EML1: variants seen among roughly 807,000 people sequenced by gnomAD.
EML1 encodes echinoderm microtubule-associated protein-like 1.
In EML1, 27 loss-of-function variants were observed where a neutral mutation model predicts 110.4. The ratio of observed to expected loss-of-function variants is 0.24; its 90% confidence interval spans 0.18 to 0.34. The LOEUF is 0.34. Ranked by LOEUF, EML1 falls within the 10% of genes least tolerant of loss-of-function variation. The pLI is 1.00. For synonymous variants in EML1, 344 were observed against 385.8 expected, an observed-to-expected ratio of 0.89 and a Z score of 1.27; for missense variants, 741 against 1,030.9, an observed-to-expected ratio of 0.72 and a Z score of 3.85.
At chr14:99,750,147 G>A (rs1327504370) in intron 1 of EML1, among the ~76,000 whole-genome samples, 1 of 152,230 alleles carries the variant, frequency 6.6e-6, no homozygotes, top group Non-Finnish European at 1.5e-5. Context: ...AGCCTGTCAC[G>A]GGTGGAAAAC....
At chr14:99,790,716 G>A (rs774733881), upstream of EML1, among the ~76,000 whole-genome samples, 4 of 152,116 alleles carry the variant, frequency 2.6e-5, no homozygotes, top group Non-Finnish European at 5.9e-5. Context: ...TTTGAAAGCC[G>A]CTTCTCCATA....
chr14:99,749,205 A>ACTC (rs1401980520), intron 1 of EML1, among the ~76,000 whole-genome samples: 2 of 151,672 alleles, frequency 1.3e-5, no homozygotes, highest in Non-Finnish European at 2.9e-5. Flanking sequence ...TCATACGGTG[A>ACTC]CTCTATGTTG....
chr14:99,829,634 C>T (rs2058416986), intron 1 of EML1, among the ~76,000 whole-genome samples: 1 of 152,178 alleles, frequency 6.6e-6, no homozygotes, highest in African/African-American at 2.4e-5. Flanking sequence ...CCCCATCCCT[C>T]CCGCCTCCCA....
chr14:99,907,873 C>A, intron 10 of EML1, 140 bp downstream of exon 10: 1 of 705,904 alleles, frequency 1.4e-6, no homozygotes. Flanking sequence ...ATCGTTTGGC[C>A]CCGATCCCTG....
upstream of EML1, among the ~76,000 whole-genome samples, chr14:99,770,490 T>C (rs1356795790): frequency 6.6e-6 from 1 of 152,108 alleles, no homozygotes; most frequent in Non-Finnish European, 1.5e-5. Flanking sequence ...ACTCTTATGA[T>C]CTAATCACCT....
chr14:99,898,332 T>TA, intron 8 of EML1, 30 bp downstream of exon 8: 1 of 1,593,758 alleles, frequency 6.3e-7, no homozygotes, highest in Non-Finnish European at 8.6e-7. Flanking sequence ...CATTGTTTCA[T>TA]AATGAACTGG....
intron 1 of EML1, among the ~76,000 whole-genome samples, chr14:99,761,448 G>A (rs2057312770): frequency 6.6e-6 from 1 of 152,204 alleles, no homozygotes; most frequent in Non-Finnish European, 1.5e-5. Context: ...TGCTCACTGG[G>A]TGTCTTACTG....
intron 1 of EML1, among the ~76,000 whole-genome samples, chr14:99,830,653 C>T (rs1423224519): frequency 1.2e-4 from 18 of 152,088 alleles, no homozygotes; most frequent in Non-Finnish European, 2.9e-5. Context: ...CGGGTTCAAG[C>T]AATTCTCCTG....
chr14:99,860,429 T>C (rs2058983256), intron 2 of EML1, among the ~76,000 whole-genome samples: 1 of 152,192 alleles, frequency 6.6e-6, no homozygotes, highest in Non-Finnish European at 1.5e-5. Context: ...AGAGCACTTA[T>C]CTGAAAATGA....
chr14:99,763,358 C>A (rs560313366), intron 1 of EML1, among the ~76,000 whole-genome samples: 17 of 152,246 alleles, frequency 1.1e-4, no homozygotes, highest in Non-Finnish European at 2.1e-4. Context: ...TCCAGATACT[C>A]CTGGAGCTGT....
intron 1 of EML1, among the ~76,000 whole-genome samples, chr14:99,813,575 CGT>C (rs2058117392): frequency 6.6e-6 from 1 of 151,990 alleles, no homozygotes; most frequent in South Asian, 2.1e-4. Context: ...GTTGTGGTGG[CGT>C]GTGCCTGTAG....
chr14:99,811,270 C>T (rs1214321444), intron 1 of EML1, among the ~76,000 whole-genome samples: 2 of 147,632 alleles, frequency 1.4e-5, no homozygotes, highest in Admixed American at 6.7e-5. Flanking sequence ...AGCCTTGACT[C>T]ACTGGGCTCA....
At chr14:99,893,977 A>G (rs1331589352) in intron 5 of EML1, among the ~76,000 whole-genome samples, 2 of 152,224 alleles carry the variant, frequency 1.3e-5, no homozygotes, top group Non-Finnish European at 2.9e-5. Context: ...AAGTTATTTT[A>G]TTATAGAAAT....
chr14:99,803,151 C>T (rs572212351), intron 1 of EML1, among the ~76,000 whole-genome samples: 2 of 152,240 alleles, frequency 1.3e-5, no homozygotes, highest in East Asian at 3.9e-4. Flanking sequence ...GTGCCTGGCA[C>T]GTGGTGAGTT....
intron 1 of EML1, among the ~76,000 whole-genome samples, chr14:99,822,769 G>A (rs74084771): frequency 0.035 from 5,326 of 152,192 alleles, 319 homozygotes; most frequent in African/African-American, 0.12. Context: ...TGCCTGCAGG[G>A]GGTGGCAGTA....
intron 1 of EML1, among the ~76,000 whole-genome samples, chr14:99,742,653 A>T (rs1957516): frequency 6.6e-6 from 1 of 151,888 alleles, no homozygotes; most frequent in Non-Finnish European, 1.5e-5. Context: ...TCAGGGCTCC[A>T]TGGGGTGACC....
chr14:99,843,526 A>T (rs775647339), intron 1 of EML1, among the ~76,000 whole-genome samples: 11 of 152,248 alleles, frequency 7.2e-5, no homozygotes, highest in Non-Finnish European at 1.3e-4. Flanking sequence ...AACTCATTTA[A>T]TATTATAACA....
intron 1 of EML1, among the ~76,000 whole-genome samples, chr14:99,825,438 T>C (rs1595346297): frequency 6.6e-6 from 1 of 152,206 alleles, no homozygotes; most frequent in South Asian, 2.1e-4. Flanking sequence ...GGTAGTGGGA[T>C]TGTGGGTGGA....
intron 1 of EML1, among the ~76,000 whole-genome samples, chr14:99,849,291 C>T (rs887166754): frequency 1.5e-4 from 23 of 152,012 alleles, no homozygotes; most frequent in South Asian, 4.1e-4. Context: ...GATGTAGTTC[C>T]GCTCTCTTCT....
Sources: allele counts gnomAD v4.1 joint callset (sites outside exome capture counted in the v4.1 genomes callset), GRCh38; gene constraint gnomAD v4.1.1; transcripts MANE v1.5; gene names NCBI Gene and HGNC (gene_info 2026-07-23, HGNC 2026-07-21).